HBS1L: variants seen among roughly 807,000 people sequenced by gnomAD.
HBS1L encodes HBS1-like protein.
HBS1L carries 55 observed loss-of-function variants against 88.9 expected under a neutral mutation model. The ratio of observed to expected loss-of-function variants is 0.62; its 90% CI spans 0.50 to 0.77. HBS1L has a LOEUF of 0.77. HBS1L is among the 30% of genes least tolerant of loss of function. The probability of loss-of-function intolerance (pLI) is 0.00; values close to 1 mark genes in which losing one functional copy is unlikely to be tolerated. For synonymous variants in HBS1L, 267 were observed against 288.5 expected (o/e 0.93, Z 0.76); for missense variants, 741 against 829.3 (o/e 0.89, Z 1.31).
At chr6:135,002,906 CA>C in intron 4 of HBS1L, 64 bp from the exon 5 acceptor site, 1 of 838,458 alleles carries the variant, frequency 1.2e-6, no homozygotes, top group Non-Finnish European at 1.9e-6. Context: ...AAATCTATTA[CA>C]TAGTATTTTA....
At chr6:134,979,638 A>G (rs1774762941) in intron 13 of HBS1L, among the ~76,000 whole-genome samples, 1 of 152,124 alleles carries the variant, frequency 6.6e-6, no homozygotes, top group South Asian at 2.1e-4. Context: ...ATTATTCATA[A>G]TGACATAAAA....
Position 134,982,545 on chromosome 6 carries a change from A to G in HBS1L, c.1510T>C (p.Cys504Arg). The change falls in exon 13 of 18, where the codon TGC becomes CGC. Residue 504 changes from cysteine to arginine, a missense_variant. This residue lies in a region of HBS1L where 4 missense variants were observed against 18.2 expected (regional missense o/e 0.22). Transcript: ENST00000367837. ...CCAGCTTCTATTTTACCAGTTATGC[A>G]AAATCCAGATCCTTGATCTGCAAAA... ...DVFKDQGSGF[C>R]ITGKIEAGYI... 6.2e-7 allele frequency: 1 copy of G among 1,608,608 alleles called. No individual in the cohort carries two copies.
intron 4 of HBS1L, among the ~76,000 whole-genome samples, chr6:135,018,626 T>C (rs910777717): frequency 4.6e-5 from 7 of 152,012 alleles, no homozygotes; most frequent in Non-Finnish European, 7.4e-5. Context: ...TTGTTACTAA[T>C]AATTTTCCTT....
At chr6:135,001,401 T>C (rs551353405) in intron 5 of HBS1L, among the ~76,000 whole-genome samples, 2 of 152,206 alleles carry the variant, frequency 1.3e-5, no homozygotes, top group African/African-American at 4.8e-5. Context: ...TTCATTTGCA[T>C]GTTAAGACTT....
intron 4 of HBS1L, among the ~76,000 whole-genome samples, chr6:135,022,507 A>C (rs1192164297): frequency 6.6e-6 from 1 of 152,178 alleles, no homozygotes; most frequent in Non-Finnish European, 1.5e-5. Flanking sequence ...GAGAATCTTA[A>C]AACATAGCTG....
At chr6:135,049,222 G>C (rs939920551) in intron 2 of HBS1L, among the ~76,000 whole-genome samples, 1 of 152,132 alleles carries the variant, frequency 6.6e-6, no homozygotes, top group Non-Finnish European at 1.5e-5. Flanking sequence ...CCGCTTTCTG[G>C]CTCACAGACA....
intron 4 of HBS1L, among the ~76,000 whole-genome samples, chr6:135,026,048 GA>G (rs1467837074): frequency 1.3e-5 from 2 of 152,158 alleles, no homozygotes; most frequent in African/African-American, 4.8e-5. Context: ...CTCCAGGAAA[GA>G]AAGAGTAATG....
At chr6:135,027,081 A>G (rs2114869944) in intron 4 of HBS1L, 1 of 148,304 alleles carries the variant, frequency 6.7e-6, no homozygotes, top group South Asian at 2.3e-4. Context: ...AATCCCAGAT[A>G]TTCGGGAGAC....
intron 4 of HBS1L, among the ~76,000 whole-genome samples, chr6:135,003,738 G>A (rs1456844232): frequency 1.3e-5 from 2 of 152,064 alleles, no homozygotes; most frequent in Admixed American, 6.6e-5. Flanking sequence ...GGTGGTGCAC[G>A]CTTGTAATCC....
intron 4 of HBS1L, among the ~76,000 whole-genome samples, chr6:135,013,809 A>C (rs942801849): frequency 3.9e-5 from 6 of 152,296 alleles, no homozygotes; most frequent in East Asian, 3.9e-4. Context: ...TATTTGAAAA[A>C]ATTTACAAAT....
rs1387598928 is a variant in HBS1L at position 134,978,687 on chromosome 6, C to A, written c.1789G>T (p.Gly597Ter). The part of the protein sequence containing the change: ...IFNIEIPITK[G>*]FPVLLHYQTV... ...AACATTTTGGAACTTACAGGAAATC[C>A]TTTAGTGATAGGAATTTCAATATTA... Residue 597 changes from glycine (G) to a stop codon, truncating the protein, a stop_gained, in exon 15 of 18, where the codon GGA (glycine) becomes TGA (stop). Coordinates refer to ENST00000367837, the MANE Select transcript of HBS1L (RefSeq NM_006620.4). LOFTEE classifies it high-confidence loss of function. 2 of 1,554,850 alleles carry A rather than the reference C, an allele frequency of 1.3e-6. No homozygotes were observed. The highest frequency in any genetic ancestry group is 1.8e-6 in the Non-Finnish European group (2 of 1,133,734).
At chr6:135,045,787 CGA>C (rs1258563073) in intron 2 of HBS1L, among the ~76,000 whole-genome samples, 2 of 151,444 alleles carry the variant, frequency 1.3e-5, no homozygotes, top group African/African-American at 4.9e-5. Flanking sequence ...TGAGGTGAGC[CGA>C]GATCGTGCCA....
In HBS1L at chr6:134,992,252, G is replaced by A. The variant is rs550918509; in HGVS notation, c.1083+1506C>T. 1.4e-4 allele frequency among the ~76,000 whole-genome samples: 21 copies of A among 152,074 alleles called. 1 individual carries two copies. Among genetic ancestry groups the A allele is most frequent in the Non-Finnish European group, 2.2e-4 (15 of 68,000 alleles). On this transcript the variant is annotated intron_variant, in intron 8 of 17. Coordinates refer to ENST00000367837, the MANE Select transcript of HBS1L (RefSeq NM_006620.4). ...CATTGCTTTAATAATTTAAAGTTACGGTGATGCACAGCATAATGACGTTTT... is the reference window on the plus strand; with the variant it reads ...CATTGCTTTAATAATTTAAAGTTACAGTGATGCACAGCATAATGACGTTTT...
chr6:134,978,893 T>C, intron 14 of HBS1L, 106 bp from the exon 15 acceptor site: 1 of 700,470 alleles, frequency 1.4e-6, no homozygotes, highest in Non-Finnish European at 2.4e-6. Flanking sequence ...TTAAGTAAAT[T>C]AGGGACTTTT....
At chr6:134,965,703 G>A (rs558524942) in intron 17 of HBS1L, among the ~76,000 whole-genome samples, 44 of 152,260 alleles carry the variant, frequency 2.9e-4, no homozygotes, top group African/African-American at 9.9e-4. Flanking sequence ...CATTTATGCC[G>A]CTAAAAACTG....
chr6:134,971,877 T>C (rs1371297268), intron 15 of HBS1L, among the ~76,000 whole-genome samples: 5 of 152,156 alleles, frequency 3.3e-5, no homozygotes, highest in African/African-American at 1.2e-4. Flanking sequence ...CACAATCACT[T>C]ATCTGCAATT....
At chr6:134,985,948 T>C in intron 11 of HBS1L, 118 bp downstream of exon 11, 1 of 632,742 alleles carries the variant, frequency 1.6e-6, no homozygotes. Context: ...GTAACTTAGT[T>C]CCTCCGACTA....
At chr6:135,013,547 G>A (rs1408592463) in intron 4 of HBS1L, among the ~76,000 whole-genome samples, 8 of 152,304 alleles carry the variant, frequency 5.3e-5, no homozygotes, top group African/African-American at 7.2e-5. Context: ...GAATTTAAGC[G>A]TTGGAGAAAC....
intron 17 of HBS1L, among the ~76,000 whole-genome samples, chr6:134,965,701 C>A (rs796208650): frequency 2.6e-5 from 4 of 152,270 alleles, no homozygotes; most frequent in African/African-American, 9.6e-5. Context: ...TGCATTTATG[C>A]CGCTAAAAAC....
Sources: allele counts gnomAD v4.1 joint callset (sites outside exome capture counted in the v4.1 genomes callset), GRCh38; gene constraint gnomAD v4.1.1; regional missense constraint gnomAD v4.1.1; transcripts MANE v1.5; gene names NCBI Gene and HGNC (gene_info 2026-07-23, HGNC 2026-07-21).